The following SPATA24 variants were observed in gnomAD, a reference collection of about 807,000 sequenced individuals.
SPATA24 encodes spermatogenesis-associated protein 24.
In SPATA24, 21 loss-of-function variants were observed where a neutral mutation model predicts 28.9. The observed-to-expected ratio is 0.73, with a 90% CI of 0.52 to 1.05. SPATA24 has a LOEUF of 1.05. Ranked by LOEUF, SPATA24 falls within the 50% of genes least tolerant of loss-of-function variation. The pLI is 0.00. For missense variants in SPATA24, 215 were observed against 242.9 expected (o/e 0.88, Z 0.76); for synonymous variants, 76 against 89.9 (o/e 0.85, Z 0.88).
At chr5:139,395,342 G>A, downstream of SPATA24, 1 of 389,512 alleles carries the variant, frequency 2.6e-6, no homozygotes, top group Middle Eastern at 6.5e-4. Flanking sequence ...CTGACAGGCA[G>A]GTGAGGGAAT....
At chr5:139,403,716 C>T (rs1023590182) in intron 1 of SPATA24, among the ~76,000 whole-genome samples, 1 of 152,202 alleles carries the variant, frequency 6.6e-6, no homozygotes, top group Non-Finnish European at 1.5e-5. Flanking sequence ...CTTGCAGCAA[C>T]CAGGCAAACG....
downstream of SPATA24, chr5:139,395,222 G>A (rs1025161163): frequency 1.2e-6 from 1 of 854,360 alleles, no homozygotes; most frequent in Non-Finnish European, 1.6e-6. Flanking sequence ...CAGCGGCGCC[G>A]GCAGCAGAAA....
downstream of SPATA24, among the ~76,000 whole-genome samples, chr5:139,395,964 C>G (rs1758696765): frequency 6.6e-6 from 1 of 152,334 alleles, no homozygotes; most frequent in Non-Finnish European, 1.5e-5. Context: ...GCCTTAGGAC[C>G]TGCCCTGGGG....
chr5:139,402,441 C>T (rs1758846851), intron 2 of SPATA24, among the ~76,000 whole-genome samples, 187 bp downstream of exon 2: 1 of 151,774 alleles, frequency 6.6e-6, no homozygotes, highest in Admixed American at 6.6e-5. Context: ...CAGGGTTTCA[C>T]CATGTTGGCC....
Position 139,401,908 on chromosome 5 carries a change from C to G in SPATA24, c.314+7G>C. ...AAACCCCACACCCCGTACTGAGGCC[C>G]ACTCACGCTTTTTCAAAGGCCAGCT... On this transcript the variant is annotated splice_region_variant and intron_variant, in intron 3 of 5. Transcript: ENST00000450845. The G allele has an allele frequency of 6.4e-7, 1 of 1,551,598 alleles. No individual in the cohort carries two copies. The highest frequency in any genetic ancestry group is 8.7e-7 in the Non-Finnish European group (1 of 1,146,856).
chr5:139,403,717 C>T (rs1176032042), intron 1 of SPATA24, among the ~76,000 whole-genome samples: 2 of 152,208 alleles, frequency 1.3e-5, no homozygotes, highest in Non-Finnish European at 2.9e-5. Context: ...TTGCAGCAAC[C>T]AGGCAAACGG....
downstream of SPATA24, chr5:139,393,599 T>G (rs1000257218): frequency 2.6e-6 from 4 of 1,550,772 alleles, no homozygotes; most frequent in Non-Finnish European, 3.5e-6. Context: ...GGGGACGGGC[T>G]GCTACGTGGC....
downstream of SPATA24, chr5:139,394,804 C>G: frequency 6.5e-7 from 1 of 1,529,582 alleles, no homozygotes; most frequent in Non-Finnish European, 8.8e-7. Flanking sequence ...TGGGCCGGAA[C>G]CTGGGCCTCG....
At chr5:139,392,578 A>T, downstream of SPATA24, 3 of 1,354,934 alleles carry the variant, frequency 2.2e-6, no homozygotes, top group African/African-American at 3.1e-5. This position sits in a 1 kb window ranked among gnomAD's most constrained non-coding sequence, Gnocchi z 5.8. Flanking sequence ...CTCCCGCGGG[A>T]GTGGCGCCTG....
At chr5:139,401,861 C>G (rs1177875015) in intron 3 of SPATA24, 36 bp from the exon 4 acceptor site, 1 of 1,547,186 alleles carries the variant, frequency 6.5e-7, no homozygotes, top group African/African-American at 1.4e-5. Flanking sequence ...GGTGGGCAGG[C>G]TAGCAAGCAG....
intron 1 of SPATA24, among the ~76,000 whole-genome samples, chr5:139,403,473 G>A (rs1581405475): frequency 6.6e-6 from 1 of 152,360 alleles, no homozygotes; most frequent in East Asian, 1.9e-4. Context: ...GGGTTTGATT[G>A]AGAAGGCAAA....
downstream of SPATA24, chr5:139,394,422 TG>T: frequency 1.4e-6 from 2 of 1,393,456 alleles, no homozygotes. Flanking sequence ...CGGCCGCCCT[TG>T]GGGGACTCTG....
At chr5:139,392,800 C>T (rs1445759023), downstream of SPATA24, 2 of 1,490,806 alleles carry the variant, frequency 1.3e-6, no homozygotes, top group African/African-American at 1.4e-5. This position sits in a 1 kb window ranked among gnomAD's most constrained non-coding sequence, Gnocchi z 5.8. Flanking sequence ...CTCTACATCC[C>T]TGTTCTCTCC....
chr5:139,400,973 A>G (rs1199171703), intron 4 of SPATA24, among the ~76,000 whole-genome samples: 2 of 152,006 alleles, frequency 1.3e-5, no homozygotes, highest in African/African-American at 2.4e-5. Context: ...CCTGACCAAC[A>G]TGGTGAAACC....
downstream of SPATA24, chr5:139,393,123 G>A (rs1222912810): frequency 5.9e-6 from 9 of 1,530,038 alleles, no homozygotes; most frequent in Non-Finnish European, 7.9e-6. Context: ...CGCAGGGGTC[G>A]GCAGGAGGCG....
chr5:139,396,402 C>G (rs1758706676), downstream of SPATA24: 1 of 985,168 alleles, frequency 1.0e-6, no homozygotes. Flanking sequence ...GGTGCAAATG[C>G]AATTTGCAGG....
At chr5:139,394,040 C>T (rs552334899), downstream of SPATA24, 1 of 1,548,488 alleles carries the variant, frequency 6.5e-7, no homozygotes, top group South Asian at 1.2e-5. Flanking sequence ...TGGATCTTCT[C>T]CTCTGACTGA....
downstream of SPATA24, chr5:139,392,881 C>T: frequency 6.5e-7 from 1 of 1,544,732 alleles, no homozygotes; most frequent in Non-Finnish European, 8.7e-7. The surrounding 1 kb of genome is among the most constrained non-coding windows in gnomAD (Gnocchi z 5.8). Flanking sequence ...CCCAGGCAGG[C>T]GGATCTCTGT....
downstream of SPATA24, chr5:139,394,095 C>A (rs980145931): frequency 6.5e-7 from 1 of 1,550,010 alleles, no homozygotes; most frequent in Non-Finnish European, 8.7e-7. Flanking sequence ...CCGTCCCGGG[C>A]GCAGGCTTGT....
Sources: allele counts gnomAD v4.1 joint callset (sites outside exome capture counted in the v4.1 genomes callset), GRCh38; gene constraint gnomAD v4.1.1; non-coding constraint Gnocchi (gnomAD v3.1); transcripts MANE v1.5; gene names NCBI Gene and HGNC (gene_info 2026-07-23, HGNC 2026-07-21).